Variants in HDAC9 observed in about 807,000 individuals in gnomAD.
The protein encoded by HDAC9 is MEF-2 interacting transcription repressor (MITR) protein.
HDAC9 carries 41 observed loss-of-function variants against 139.4 expected under a neutral mutation model. That is an observed-to-expected ratio of 0.29 (90% CI 0.23 to 0.38). The LOEUF is 0.38. Ranked by LOEUF, HDAC9 falls within the 10% of genes least tolerant of loss-of-function variation. HDAC9 has a pLI of 1.00. For missense variants in HDAC9, 1,147 were observed against 1,297.0 expected (o/e 0.88, Z 1.78); for synonymous variants, 517 against 476.2 (o/e 1.09, Z -1.12).
At chr7:18,765,888 T>A (rs1789791980) in intron 15 of HDAC9, among the ~76,000 whole-genome samples, 1 of 152,186 alleles carries the variant, frequency 6.6e-6, no homozygotes, top group African/African-American at 2.4e-5. Flanking sequence ...ACTTCTCATC[T>A]TTTTGTTAAA....
rs1262914893 is a variant in HDAC9, at chr7:18,797,687, GGTGT to G, written c.2322+4238_2322+4241del. Among the ~76,000 whole-genome samples the G allele has an allele frequency of 2.0e-5, 3 of 151,968 alleles. No individual in the cohort carries two copies. The East Asian group carries it at 5.8e-4, about 29-fold the overall frequency. On this transcript the variant is annotated intron_variant, in intron 17 of 25. Coordinates refer to ENST00000686413, the MANE Select transcript of HDAC9 (RefSeq NM_178425.4). ...CACTAAAAATACAAAAAATTAGCCA[GGTGT>G]GTTGGCAGGCGCCTGTAATCCCAGC...
chr7:18,089,196 G>A (rs1275540469), intron 1 of HDAC9, among the ~76,000 whole-genome samples: 3 of 148,368 alleles, frequency 2.0e-5, no homozygotes, highest in Non-Finnish European at 4.5e-5. Flanking sequence ...ACCAGTTTAT[G>A]GGTAGGAGAC....
At chr7:18,571,964 G>A (rs1046402034) in intron 2 of HDAC9, among the ~76,000 whole-genome samples, 1 of 148,894 alleles carries the variant, frequency 6.7e-6, no homozygotes, top group Non-Finnish European at 1.5e-5. Flanking sequence ...ATGAACCAAT[G>A]AAACTTTTTT....
At chr7:18,094,719 G>T (rs1380602341) in intron 1 of HDAC9, among the ~76,000 whole-genome samples, 1 of 152,110 alleles carries the variant, frequency 6.6e-6, no homozygotes. Flanking sequence ...GCCTCCCAAA[G>T]CACTAGGATT....
chr7:18,708,970 C>CAT (rs576719226), intron 12 of HDAC9, among the ~76,000 whole-genome samples: 183 of 151,964 alleles, frequency 1.2e-3, no homozygotes, highest in African/African-American at 4.1e-3. Context: ...TGTATACATA[C>CAT]ATATATATAT....
intron 13 of HDAC9, among the ~76,000 whole-genome samples, chr7:18,730,827 A>G (rs1785980595): frequency 1.3e-5 from 2 of 152,214 alleles, no homozygotes; most frequent in Admixed American, 1.3e-4. Flanking sequence ...TAAGTCAAGA[A>G]CTTAAACCTT....
At chr7:18,875,385 G>T (rs1055146140) in intron 22 of HDAC9, among the ~76,000 whole-genome samples, 4 of 152,130 alleles carry the variant, frequency 2.6e-5, no homozygotes, top group Admixed American at 1.3e-4. Context: ...ATTTTAGGGA[G>T]CATTGCAAAG....
chr7:18,591,113 A>G (rs1339493252), intron 4 of HDAC9, among the ~76,000 whole-genome samples: 3 of 152,182 alleles, frequency 2.0e-5, no homozygotes, highest in Non-Finnish European at 4.4e-5. Context: ...CTCAGAAAAG[A>G]TTATTTTAAT....
chr7:18,224,438 T>A (rs1042533252), intron 2 of HDAC9, among the ~76,000 whole-genome samples: 1 of 152,160 alleles, frequency 6.6e-6, no homozygotes, highest in African/African-American at 2.4e-5. Flanking sequence ...TCTTCAAAAT[T>A]GAACTGAAAG....
chr7:18,921,859 A>T (rs1458381678), intron 22 of HDAC9, among the ~76,000 whole-genome samples: 1 of 152,270 alleles, frequency 6.6e-6, no homozygotes, highest in East Asian at 1.9e-4. Context: ...CTGGATTAAG[A>T]AAATGTGGCA....
At chr7:18,269,833 T>C (rs12666671) in intron 2 of HDAC9, among the ~76,000 whole-genome samples, 61,723 of 151,986 alleles carry the variant, frequency 0.41, 14,201 homozygotes, top group Admixed American at 0.53. Context: ...CCTAAATATG[T>C]AGTTGCATGG....
chr7:18,863,457 T>G (rs1489714285), intron 21 of HDAC9, among the ~76,000 whole-genome samples: 2 of 152,220 alleles, frequency 1.3e-5, no homozygotes, highest in Admixed American at 1.3e-4. Flanking sequence ...ATTTTATTTT[T>G]TAGTTCATCA....
intron 25 of HDAC9, among the ~76,000 whole-genome samples, chr7:18,983,231 T>C (rs1227760256): frequency 6.6e-6 from 1 of 152,238 alleles, no homozygotes; most frequent in Non-Finnish European, 1.5e-5. Flanking sequence ...TTACTTCACT[T>C]AGTGTAATGT....
At chr7:18,581,792 G>C (rs1383653625) in intron 2 of HDAC9, among the ~76,000 whole-genome samples, 1 of 152,136 alleles carries the variant, frequency 6.6e-6, no homozygotes, top group East Asian at 1.9e-4. Flanking sequence ...TTCTACATTG[G>C]GTGCTACAAT....
intron 22 of HDAC9, among the ~76,000 whole-genome samples, chr7:18,895,988 G>C (rs181919816): frequency 3.9e-5 from 6 of 152,110 alleles, no homozygotes; most frequent in Admixed American, 3.9e-4. Context: ...GAAAACATTT[G>C]TTTATTTGGA....
intron 2 of HDAC9, among the ~76,000 whole-genome samples, chr7:18,180,263 A>ACACACCCCCC (rs751720529): frequency 1.3e-5 from 2 of 149,656 alleles, no homozygotes; most frequent in Admixed American, 6.6e-5. Context: ...ACACACACAC[A>ACACACCCCCC]CACACACACA....
At chr7:18,231,501 C>T (rs1481695484) in intron 2 of HDAC9, among the ~76,000 whole-genome samples, 1 of 152,038 alleles carries the variant, frequency 6.6e-6, no homozygotes, top group Non-Finnish European at 1.5e-5. Flanking sequence ...ATTCAAGAAT[C>T]CCTTAAAGTG....
At chr7:18,671,931 G>A (rs567764490) in intron 12 of HDAC9, among the ~76,000 whole-genome samples, 1 of 151,990 alleles carries the variant, frequency 6.6e-6, no homozygotes, top group Admixed American at 6.6e-5. Context: ...TCCCTTGTAT[G>A]GCTATACAAC....
chr7:18,182,104 G>A (rs1269575260), intron 2 of HDAC9, among the ~76,000 whole-genome samples: 2 of 152,128 alleles, frequency 1.3e-5, no homozygotes, highest in African/African-American at 4.8e-5. Context: ...GGGCCCAGGA[G>A]CCAAGATCTA....
Sources: gnomAD v4.1 joint callset for allele counts (sites outside exome capture counted in the v4.1 genomes callset) on GRCh38, gnomAD v4.1.1 for gene constraint, MANE v1.5 for transcripts, NCBI Gene and HGNC (gene_info 2026-07-23, HGNC 2026-07-21) for gene names.